The following PTPRU variants were observed in gnomAD, a reference collection of about 807,000 sequenced individuals.
PTPRU encodes the protein receptor-type tyrosine-protein phosphatase U.
In PTPRU, 69 loss-of-function variants were observed where a neutral mutation model predicts 166.3. The ratio of observed to expected loss-of-function variants is 0.41; its 90% CI spans 0.34 to 0.51. The LOEUF is 0.51. Among genes scored for constraint, PTPRU ranks in the 20% least tolerant of loss-of-function variants. PTPRU has a pLI of 0.09. For missense variants in PTPRU, 1,657 were observed against 2,013.7 expected (o/e 0.82, Z 3.39); for synonymous variants, 793 against 814.0 (o/e 0.97, Z 0.44).
intron 2 of PTPRU, among the ~76,000 whole-genome samples, 170 bp from the exon 3 acceptor site, chr1:29,258,335 C>A (rs1684864099): frequency 6.6e-6 from 1 of 152,134 alleles, no homozygotes; most frequent in African/African-American, 2.4e-5. Context: ...GAAACAGATG[C>A]TAGGAAGTGA....
chr1:29,302,768 C>T (rs1687194436), intron 15 of PTPRU, among the ~76,000 whole-genome samples: 1 of 152,140 alleles, frequency 6.6e-6, no homozygotes. Flanking sequence ...CCAGGTTGGT[C>T]TTGAACTCCT....
At position 29,237,387 on chromosome 1, in the gene PTPRU, G is replaced by A. The variant is rs1244880694; in HGVS notation, c.73+670G>A. On this transcript the variant is annotated intron_variant, in intron 1 of 29. Coordinates refer to ENST00000373779, the MANE Select transcript of PTPRU (RefSeq NM_133178.4). The surrounding 1 kb of genome is among the most constrained non-coding windows in gnomAD (Gnocchi z 6.4). ...GTCCGAGTGAATGCCAAGTGTGCCG[G>A]GAATGCGTGTGTGGGAGCGAGTCTG... 5.3e-5 allele frequency among the ~76,000 whole-genome samples: 8 copies of A among 152,168 alleles called. No homozygotes were observed. The highest frequency in any genetic ancestry group is 8.8e-5 in the Non-Finnish European group (6 of 68,020).
At chr1:29,270,524 G>T (rs1013012463) in intron 7 of PTPRU, among the ~76,000 whole-genome samples, 65 of 152,166 alleles carry the variant, frequency 4.3e-4, no homozygotes, top group African/African-American at 1.5e-3. Flanking sequence ...GCCCATGAAG[G>T]TCTCGAACCC....
At chr1:29,264,085 A>C (rs1685183531) in intron 7 of PTPRU, among the ~76,000 whole-genome samples, 1 of 152,016 alleles carries the variant, frequency 6.6e-6, no homozygotes, top group Non-Finnish European at 1.5e-5. Flanking sequence ...GAGGCACAAG[A>C]ATCGCTTGAA....
intron 18 of PTPRU, among the ~76,000 whole-genome samples, chr1:29,307,465 C>T (rs548953869): frequency 5.3e-5 from 8 of 152,370 alleles, no homozygotes; most frequent in Non-Finnish European, 8.8e-5. Flanking sequence ...TCCCTGGCTC[C>T]GCCATTCCCA....
rs535178790 is a variant in PTPRU, at chr1:29,273,044, G to A, written c.1145-2404G>A. 1.4e-4 allele frequency among the ~76,000 whole-genome samples: 21 copies of A among 152,230 alleles called. No homozygotes were observed. In the Middle Eastern group the frequency reaches 0.01, roughly 74 times the overall value. ...CCCTCTAGCTGGGGACACTTTGCAG[G>A]CGATCACAGAACTTGAGAGTAATGA... is the stretch of plus-strand genomic sequence containing the variant. On this transcript the variant is annotated intron_variant, in intron 7 of 29. Coordinates refer to ENST00000373779, the MANE Select transcript of PTPRU (RefSeq NM_133178.4).
At chr1:29,295,224 G>A (rs1202669237) in intron 15 of PTPRU, among the ~76,000 whole-genome samples, 1 of 147,350 alleles carries the variant, frequency 6.8e-6, no homozygotes, top group African/African-American at 2.5e-5. Flanking sequence ...TTTTTTTTTT[G>A]GTAGAGACGG....
In PTPRU at chr1:29,279,945, G is replaced by C; in HGVS notation, c.1766-94G>C. Reference sequence around the variant, plus strand: ...AACAAAGAGGCTAAGGCTGAAGTAGGGGAGATCTGAGGACTGTGGTCAAGG... The same window carrying C: ...AACAAAGAGGCTAAGGCTGAAGTAGCGGAGATCTGAGGACTGTGGTCAAGG... On this transcript the variant is annotated intron_variant, in intron 10 of 29. Coordinates refer to ENST00000373779, the MANE Select transcript of PTPRU (RefSeq NM_133178.4). This position sits in a 1 kb window ranked among gnomAD's most constrained non-coding sequence, Gnocchi z 5.2. The C allele has an allele frequency of 2.3e-6, 3 of 1,295,118 alleles. No individual in the cohort carries two copies. Among genetic ancestry groups the C allele is most frequent in the Middle Eastern group, 4.5e-4 (2 of 4,458 alleles). The allele number at this position is 1,295,118 out of a possible 1,614,324, so 80.2% of individuals were successfully genotyped here.
Position 29,305,363 on chromosome 1 carries a change from C to T in PTPRU, c.2755C>T (p.Arg919Ter), listed in dbSNP as rs750903519. ...QEPMPAYDRHRVKLHPMLGDP... is the reference protein window; with the variant it reads ...QEPMPAYDRH ...CTCTGTGTTTACAGATGATCGGCAC[C>T]GAGTGAAACTGCACCCGATGCTGGG... The change falls in exon 18 of 30, where the codon CGA (arginine) becomes TGA (stop). Residue 919 changes from arginine to a stop codon, truncating the protein, a stop_gained. Transcript: ENST00000373779. LOFTEE classifies it high-confidence loss of function. The T allele has an allele frequency of 2.5e-6, 4 of 1,613,782 alleles. No homozygotes were observed. Among genetic ancestry groups the T allele is most frequent in the African/African-American group, 2.7e-5 (2 of 74,920 alleles).
rs752489258 is a variant in PTPRU at position 29,315,503 on chromosome 1, C to A, written c.3359C>A (p.Thr1120Asn). Residue 1120 changes from threonine to asparagine, a missense_variant, in exon 23 of 30, where the codon ACT becomes AAT. Physicochemically the swap from Thr to Asn is moderately conservative, Grantham distance 65. Around this residue, in one of 3 missense-constraint regions of PTPRU, gnomAD observed 1,190 missense variants for 1,477.4 expected, o/e 0.81. Coordinates refer to ENST00000373779, the MANE Select transcript of PTPRU (RefSeq NM_133178.4). This position sits in a 1 kb window ranked among gnomAD's most constrained non-coding sequence, Gnocchi z 4.5. ...LCSRRVNMIQ[T>N]EEQYIFIHDA... The stretch of plus-strand genomic sequence containing the variant: ...TCCCGGCGTGTCAACATGATCCAGA[C>A]TGAGGTGCGGGGACCTGGCCCTGTC... 1 of 1,614,106 alleles carries A rather than the reference C, an allele frequency of 6.2e-7. No homozygotes were observed. The highest frequency in any genetic ancestry group is 1.1e-5 in the South Asian group (1 of 91,086).
chr1:29,266,194 A>G (rs1320902196), intron 7 of PTPRU, among the ~76,000 whole-genome samples: 1 of 150,950 alleles, frequency 6.6e-6, no homozygotes, highest in Non-Finnish European at 1.5e-5. Context: ...CTAATTTTGT[A>G]TTTTTAGTAG....
At position 29,315,309 on chromosome 1, in the gene PTPRU, T is replaced by C. The variant is rs766760437; in HGVS notation, c.3228-63T>C. ...CATGGCCAGTGCCCTCCTCTCTTCTTCTCCTTAGTCCCGGGCTTCCTCCCC... is the reference window on the plus strand; with the variant it reads ...CATGGCCAGTGCCCTCCTCTCTTCTCCTCCTTAGTCCCGGGCTTCCTCCCC... On this transcript the variant is annotated intron_variant, in intron 22 of 29. Coordinates refer to ENST00000373779, the MANE Select transcript of PTPRU (RefSeq NM_133178.4). The surrounding 1 kb of genome is among the most constrained non-coding windows in gnomAD (Gnocchi z 4.5). 1.7e-4 allele frequency: 268 copies of C among 1,601,382 alleles called. 1 individual carries two copies. The highest frequency in any genetic ancestry group is 2.1e-4 in the Non-Finnish European group (251 of 1,171,624).
At position 29,277,803 on chromosome 1, in the gene PTPRU, C is replaced by CTT. The variant is rs71586898; in HGVS notation, c.1454-1177_1454-1176dup. 2.1e-3 allele frequency among the ~76,000 whole-genome samples: 108 copies of CTT among 50,580 alleles called. 15 individuals carry two copies. The highest frequency in any genetic ancestry group is 6.3e-3 in the African/African-American group (69 of 10,904). The allele number at this position is 50,580 out of a possible 152,430, so 33.2% of individuals were successfully genotyped here. A position where few individuals can be genotyped will look rare whatever the true frequency, so the allele number is the denominator to read the frequency against. Reference sequence around the variant, plus strand: ...ACCATCTGGCTTCACAGTTGTCATTCTTTTTTTTTTTTTTTTTTTTTTTTT... The same window carrying CTT: ...ACCATCTGGCTTCACAGTTGTCATTCTTTTTTTTTTTTTTTTTTTTTTTTTTT... On this transcript the variant is annotated intron_variant, in intron 8 of 29. Transcript: ENST00000373779.
rs1380814941 is a variant in PTPRU, at chr1:29,289,740, C to G, written c.2319-2129C>G. The G allele has an allele frequency of 5.6e-6, 9 of 1,612,432 alleles. No homozygotes were observed. In the East Asian group the frequency reaches 1.6e-4, roughly 28 times the overall value. Reference sequence around the variant, plus strand: ...AAGTAGCTCTACCTTGCCTGGGAGTCCCCGGCCCTGCCTAGGGGGAGATCC... The same window carrying G: ...AAGTAGCTCTACCTTGCCTGGGAGTGCCCGGCCCTGCCTAGGGGGAGATCC... On this transcript the variant is annotated intron_variant, in intron 14 of 29. Transcript: ENST00000373779.
Position 29,326,281 on chromosome 1 carries a change from T to C in PTPRU, c.*620T>C, listed in dbSNP as rs929907121. The C allele has an allele frequency of 5.8e-6, 1 of 171,096 alleles. No homozygotes were observed. Among genetic ancestry groups the C allele is most frequent in the African/African-American group, 2.4e-5 (1 of 42,230 alleles). 10.6% of individuals were successfully genotyped at this position (171,096 alleles called of 1,614,324 possible). On this transcript the variant is annotated 3_prime_UTR_variant, in exon 30 of 30. Transcript: ENST00000373779. ...TATTTTGCTCACTATCCCTCCCCAC[T>C]TGCTTCCCTGATATGTGCTCTGAGC...
chr1:29,280,649 CTGTGTGTGTGTGTG>C lies in PTPRU; in HGVS notation c.1868+526_1868+539del, dbSNP rs140481299. On this transcript the variant is annotated intron_variant, in intron 11 of 29. Coordinates refer to ENST00000373779, the MANE Select transcript of PTPRU (RefSeq NM_133178.4). This position sits in a 1 kb window ranked among gnomAD's most constrained non-coding sequence, Gnocchi z 4.2. The stretch of plus-strand genomic sequence containing the variant: ...TGGGGAGAGGGTGCTGGAGACAAGA[CTGTGTGTGTGTGTG>C]TGTGTGTGTGTGTGTGTATGTGGGA... Among the ~76,000 whole-genome samples, 3 of 144,002 alleles carry C rather than the reference CTGTGTGTGTGTGTG, an allele frequency of 2.1e-5. No homozygotes were observed. Among genetic ancestry groups the C allele is most frequent in the Non-Finnish European group, 4.6e-5 (3 of 65,358 alleles). 94.5% of individuals were successfully genotyped at this position (144,002 alleles called of 152,430 possible).
At position 29,259,252 on chromosome 1, in the gene PTPRU, CT is replaced by C; in HGVS notation, c.478-8del. On this transcript the variant is annotated splice_polypyrimidine_tract_variant and splice_region_variant and intron_variant, in intron 3 of 29. Coordinates refer to ENST00000373779, the MANE Select transcript of PTPRU (RefSeq NM_133178.4). ...ATCAGTATGATAGGGGCCCTCCCGCCTCCCCCAGGTGCTGTTTGAGGCCCTC... is the reference window on the plus strand; with the variant it reads ...ATCAGTATGATAGGGGCCCTCCCGCCCCCCCAGGTGCTGTTTGAGGCCCTC... The C allele has an allele frequency of 6.2e-7, 1 of 1,610,678 alleles. No individual in the cohort carries two copies. Among genetic ancestry groups the C allele is most frequent in the Non-Finnish European group, 8.5e-7 (1 of 1,177,620 alleles).
At chr1:29,285,127 T>A (rs899392751) in intron 14 of PTPRU, among the ~76,000 whole-genome samples, 6 of 152,006 alleles carry the variant, frequency 3.9e-5, no homozygotes, top group Non-Finnish European at 8.8e-5. Flanking sequence ...CAGGGAGGGG[T>A]GCTCAGTGCC....
chr1:29,257,611 G>A lies in PTPRU; in HGVS notation c.206-894G>A, dbSNP rs936564732. Among the ~76,000 whole-genome samples, 33 of 152,224 alleles carry A rather than the reference G, an allele frequency of 2.2e-4. No individual in the cohort carries two copies. Among genetic ancestry groups the A allele is most frequent in the African/African-American group, 7.7e-4 (32 of 41,462 alleles). Reference sequence around the variant, plus strand: ...TGCCTTTCTCCAGGTTGGAAGTCAAGGGGATTTGTATTCCAGGAATTTAGA... The same window carrying A: ...TGCCTTTCTCCAGGTTGGAAGTCAAAGGGATTTGTATTCCAGGAATTTAGA... On this transcript the variant is annotated intron_variant, in intron 2 of 29. Transcript: ENST00000373779. The surrounding 1 kb of genome is among the most constrained non-coding windows in gnomAD (Gnocchi z 4.6).
Sources: gnomAD v4.1 joint callset for allele counts (sites outside exome capture counted in the v4.1 genomes callset) on GRCh38, gnomAD v4.1.1 for gene constraint, gnomAD v4.1.1 regional missense constraint, Gnocchi (gnomAD v3.1) non-coding constraint, MANE v1.5 for transcripts, NCBI Gene and HGNC (gene_info 2026-07-23, HGNC 2026-07-21) for gene names.